SEMA3C: variants seen among roughly 807,000 people sequenced by gnomAD.
SEMA3C encodes the protein semaphorin 3C.
In SEMA3C, 47 loss-of-function variants were observed where a neutral mutation model predicts 89.4. The observed-to-expected ratio is 0.53, with a 90% CI of 0.42 to 0.67. SEMA3C has a LOEUF of 0.67. Among genes scored for constraint, SEMA3C ranks in the 30% least tolerant of loss-of-function variants. The pLI is 0.00. For synonymous variants in SEMA3C, 310 were observed against 320.2 expected (o/e 0.97, Z 0.34); for missense variants, 839 against 929.1 (o/e 0.90, Z 1.26).
chr7:80,774,943 G>T (rs916995201), intron 12 of SEMA3C, among the ~76,000 whole-genome samples: 2 of 151,874 alleles, frequency 1.3e-5, no homozygotes, highest in African/African-American at 4.8e-5. Context: ...ACAAACCACA[G>T]AGAAAAATCC....
chr7:80,820,772 ATG>A (rs1789727720), intron 4 of SEMA3C, among the ~76,000 whole-genome samples: 1 of 152,182 alleles, frequency 6.6e-6, no homozygotes, highest in African/African-American at 2.4e-5. Flanking sequence ...CAGATGAGAT[ATG>A]TGTGTTTATA....
In SEMA3C at chr7:80,872,787, G is replaced by C. The variant is rs143044631; in HGVS notation, c.103+43892C>G. The stretch of plus-strand genomic sequence containing the variant: ...CTGCACTCCAGCCTGGCAACAGAGC[G>C]AGACTCTGTCAAAAAAAAAAAAAAA... On this transcript the variant is annotated intron_variant, in intron 2 of 17. Transcript: ENST00000265361. Among the ~76,000 whole-genome samples the C allele has an allele frequency of 5.6e-5, 7 of 125,152 alleles. No homozygotes were observed. In the East Asian group the frequency reaches 1.6e-3, roughly 29 times the overall value. The allele number at this position is 125,152 out of a possible 152,430, so 82.1% of individuals were successfully genotyped here.
chr7:80,885,609 C>T (rs1430916040), intron 2 of SEMA3C, among the ~76,000 whole-genome samples: 1 of 151,964 alleles, frequency 6.6e-6, no homozygotes, highest in Non-Finnish European at 1.5e-5. Context: ...ACAGTGAGAC[C>T]CTATCTCAAA....
At chr7:80,837,436 C>T (rs150369154) in intron 2 of SEMA3C, among the ~76,000 whole-genome samples, 2 of 152,148 alleles carry the variant, frequency 1.3e-5, no homozygotes, top group African/African-American at 4.8e-5. Context: ...GGCAAAGTTA[C>T]CTTGGGGTAA....
chr7:80,843,154 T>C (rs1790309393), intron 2 of SEMA3C, among the ~76,000 whole-genome samples: 1 of 152,114 alleles, frequency 6.6e-6, no homozygotes, highest in Admixed American at 6.6e-5. Context: ...AGGATGACTG[T>C]AGTTAACAAC....
At chr7:80,805,596 T>A in intron 7 of SEMA3C, 43 bp downstream of exon 7, 1 of 1,556,300 alleles carries the variant, frequency 6.4e-7, no homozygotes, top group Non-Finnish European at 8.7e-7. Flanking sequence ...ATAAGTTAGT[T>A]TAACACGATA....
Position 80,890,877 on chromosome 7 carries a change from G to C in SEMA3C, c.103+25802C>G, listed in dbSNP as rs535716158. Among the ~76,000 whole-genome samples the C allele has an allele frequency of 4.4e-4, 67 of 152,274 alleles. 1 individual carries two copies. Among genetic ancestry groups the C allele is most frequent in the African/African-American group, 1.6e-3 (65 of 41,552 alleles). On this transcript the variant is annotated intron_variant, in intron 2 of 17. Coordinates refer to ENST00000265361, the MANE Select transcript of SEMA3C (RefSeq NM_006379.5). ...GCCAGTAATTTATGATCTTTGTAGTGCTGTATTTTAGCTTGTTTCTTTGAG... is the reference window on the plus strand; with the variant it reads ...GCCAGTAATTTATGATCTTTGTAGTCCTGTATTTTAGCTTGTTTCTTTGAG...
At chr7:80,910,699 ATAGTTCTT>A in intron 2 of SEMA3C, among the ~76,000 whole-genome samples, 1 of 148,082 alleles carries the variant, frequency 6.8e-6, no homozygotes, top group South Asian at 2.2e-4. Context: ...AACCAAAGTG[ATAGTTCTT>A]TATTATAGCA....
intron 2 of SEMA3C, among the ~76,000 whole-genome samples, chr7:80,891,641 A>G (rs186724831): frequency 8.8e-4 from 134 of 152,270 alleles, no homozygotes; most frequent in South Asian, 2.3e-3. Flanking sequence ...ATATTTTCAA[A>G]TGTTTTTAAA....
chr7:80,789,515 GCTC>G lies in SEMA3C; in HGVS notation c.1142_1144del (p.Gly381del), dbSNP rs1562875840. On this transcript the variant is annotated inframe_deletion, in exon 12 of 18. Transcript: ENST00000265361. ...GGTGGTTCGCATATTGGGTGTAAAT[GCTC>G]CTCCTGGACACTAGAAAGAAAGTTT... The G allele has an allele frequency of 3.1e-6, 5 of 1,610,052 alleles. No homozygotes were observed. The highest frequency in any genetic ancestry group is 4.2e-6 in the Non-Finnish European group (5 of 1,177,782).
chr7:80,765,172 C>T lies in SEMA3C; in HGVS notation c.1426G>A (p.Glu476Lys). The T allele has an allele frequency of 3.1e-6, 5 of 1,613,320 alleles. No homozygotes were observed. Among genetic ancestry groups the T allele is most frequent in the Non-Finnish European group, 4.2e-6 (5 of 1,179,568 alleles). ...GTTCAAACCTTAAAGACTTCCAGCT[C>T]CTCCAGAATGAGCTCGCCACTGACA... ...NSVSGELILE[E>K]LEVFKNHAPI... The change falls in exon 13 of 18, where the codon GAG becomes AAG. Residue 476 changes from glutamate (E) to lysine (K), a missense_variant. Transcript: ENST00000265361.
chr7:80,909,511 A>G (rs1404594829), intron 2 of SEMA3C, among the ~76,000 whole-genome samples: 1 of 152,216 alleles, frequency 6.6e-6, no homozygotes, highest in Non-Finnish European at 1.5e-5. Flanking sequence ...AATGTTTTAT[A>G]CTTTTATTAT....
At chr7:80,896,473 G>A (rs1237457234) in intron 2 of SEMA3C, among the ~76,000 whole-genome samples, 1 of 152,108 alleles carries the variant, frequency 6.6e-6, no homozygotes, top group Non-Finnish European at 1.5e-5. Flanking sequence ...CCTTTAAAGA[G>A]AATGCATTAG....
chr7:80,892,457 T>C (rs1025565999), intron 2 of SEMA3C, among the ~76,000 whole-genome samples: 1 of 152,122 alleles, frequency 6.6e-6, no homozygotes, highest in African/African-American at 2.4e-5. Flanking sequence ...GATTAAGTTG[T>C]GTGTATATTG....
Position 80,872,446 on chromosome 7 carries a change from G to A in SEMA3C, c.104-43701C>T, listed in dbSNP as rs182401933. On this transcript the variant is annotated intron_variant, in intron 2 of 17. Coordinates refer to ENST00000265361, the MANE Select transcript of SEMA3C (RefSeq NM_006379.5). ...GAGATTACAGGTGTAATCCCAAGAG[G>A]GGGGTGAGTAGAAGTTATATTTAGA... 3.9e-5 allele frequency among the ~76,000 whole-genome samples: 6 copies of A among 152,200 alleles called. No homozygotes were observed. The East Asian group carries it at 1.2e-3, about 29-fold the overall frequency.
At chr7:80,835,641 C>T (rs534008592) in intron 2 of SEMA3C, among the ~76,000 whole-genome samples, 1 of 152,232 alleles carries the variant, frequency 6.6e-6, no homozygotes, top group South Asian at 2.1e-4. Flanking sequence ...ACTACAGCTA[C>T]TAATTCCTAA....
At chr7:80,865,457 T>C (rs1790903508) in intron 2 of SEMA3C, among the ~76,000 whole-genome samples, 2 of 152,178 alleles carry the variant, frequency 1.3e-5, no homozygotes. Context: ...CTCATTTATC[T>C]GGAATATCCT....
chr7:80,790,245 C>T (rs1662334745), intron 11 of SEMA3C, among the ~76,000 whole-genome samples: 1 of 151,868 alleles, frequency 6.6e-6, no homozygotes, highest in African/African-American at 2.4e-5. Flanking sequence ...GATGAAACCA[C>T]TGCACTCTAG....
At chr7:80,849,763 C>A (rs988165800) in intron 2 of SEMA3C, among the ~76,000 whole-genome samples, 3 of 151,702 alleles carry the variant, frequency 2.0e-5, no homozygotes, top group East Asian at 3.9e-4. Context: ...TTAAATAGGG[C>A]AAAGAAGTAC....
Sources: gnomAD v4.1 joint callset for allele counts (sites outside exome capture counted in the v4.1 genomes callset) on GRCh38, gnomAD v4.1.1 for gene constraint, MANE v1.5 for transcripts, NCBI Gene and HGNC (gene_info 2026-07-23, HGNC 2026-07-21) for gene names.